ATE1: variants seen among roughly 807,000 people sequenced by gnomAD.
ATE1 encodes arginyl-tRNA--protein transferase 1.
Under a neutral mutation model 70.5 loss-of-function variants are expected in ATE1, and 36 were observed. That is an observed-to-expected ratio of 0.51 (90% confidence interval 0.39 to 0.67). The LOEUF (loss-of-function observed/expected upper bound fraction) is 0.67, where lower values mean the gene tolerates loss of function less well. Ranked by LOEUF, ATE1 falls within the 30% of genes least tolerant of loss-of-function variation. ATE1 has a pLI of 0.00. For synonymous variants in ATE1, 232 were observed against 219.3 expected (o/e 1.06, Z -0.51); for missense variants, 593 against 629.5 (o/e 0.94, Z 0.62).
At chr10:121,850,216 G>A (rs968055984) in intron 8 of ATE1, among the ~76,000 whole-genome samples, 2 of 152,096 alleles carry the variant, frequency 1.3e-5, no homozygotes, top group Non-Finnish European at 2.9e-5. Context: ...CTAACACAGA[G>A]AAGCTCGAAA....
At chr10:121,783,473 G>A (rs113566161) in intron 11 of ATE1, among the ~76,000 whole-genome samples, 18 of 151,792 alleles carry the variant, frequency 1.2e-4, no homozygotes, top group African/African-American at 4.1e-4. Context: ...TATACACTTC[G>A]ACAGCTCAAA....
chr10:121,813,889 T>A lies in ATE1; in HGVS notation c.1257+22829A>T, dbSNP rs376568398. ...CCAGAAGAAAGTAACCCAGGGACTC[T>A]ATCTTTGACATAAACGTGGCTGTGT... On this transcript the variant is annotated intron_variant, in intron 10 of 11. Coordinates refer to ENST00000224652, the MANE Select transcript of ATE1 (RefSeq NM_001001976.3). Among the ~76,000 whole-genome samples the A allele has an allele frequency of 9.8e-5, 15 of 152,314 alleles. No individual in the cohort carries two copies. The South Asian group carries it at 2.1e-3, about 21-fold the overall frequency.
chr10:121,807,733 G>A (rs1468176162), intron 10 of ATE1, among the ~76,000 whole-genome samples: 1 of 152,182 alleles, frequency 6.6e-6, no homozygotes, highest in Non-Finnish European at 1.5e-5. Flanking sequence ...AGCAAGCTAT[G>A]GCCCATGGGC....
chr10:121,749,709 C>G (rs114932659), intron 11 of ATE1, among the ~76,000 whole-genome samples: 1,576 of 152,282 alleles, frequency 0.01, 11 homozygotes, highest in African/African-American at 0.027. Context: ...AAAGCAGAGA[C>G]TGACGTCAGC....
intron 11 of ATE1, among the ~76,000 whole-genome samples, chr10:121,754,869 C>A (rs1226915980): frequency 6.6e-6 from 1 of 152,190 alleles, no homozygotes; most frequent in East Asian, 1.9e-4. Flanking sequence ...ACACTGTATA[C>A]CTCCTGATAT....
chr10:121,898,771 A>G (rs769797900), intron 7 of ATE1: 15 of 1,551,610 alleles, frequency 9.7e-6, no homozygotes, highest in Non-Finnish European at 1.3e-5. Context: ...TCCACCTGAC[A>G]AGAAAATGGT....
intron 8 of ATE1, among the ~76,000 whole-genome samples, chr10:121,849,105 G>A (rs1026428811): frequency 9.9e-5 from 15 of 151,294 alleles, no homozygotes; most frequent in Non-Finnish European, 1.9e-4. Context: ...CAGCTACTCA[G>A]GAGGCTGAGG....
At chr10:121,893,309 G>A (rs377370325) in intron 7 of ATE1, among the ~76,000 whole-genome samples, 4 of 150,598 alleles carry the variant, frequency 2.7e-5, no homozygotes, top group East Asian at 3.9e-4. Context: ...TTGTAAAAAC[G>A]TTATGTAGAT....
intron 8 of ATE1, among the ~76,000 whole-genome samples, chr10:121,862,562 C>T (rs1949515204): frequency 2.1e-5 from 2 of 95,580 alleles, no homozygotes; most frequent in South Asian, 6.5e-4. Context: ...TTTGTAGAGA[C>T]GTGGTTTTGC....
At chr10:121,788,089 T>C (rs749886903) in intron 11 of ATE1, among the ~76,000 whole-genome samples, 2 of 152,228 alleles carry the variant, frequency 1.3e-5, no homozygotes, top group Non-Finnish European at 2.9e-5. Context: ...GTTTTCATCA[T>C]AGGGACTAGA....
At chr10:121,866,337 T>C (rs746899954) in intron 8 of ATE1, among the ~76,000 whole-genome samples, 4 of 152,224 alleles carry the variant, frequency 2.6e-5, no homozygotes, top group Non-Finnish European at 4.4e-5. Context: ...ATTGGTCATC[T>C]TTAATTTTGA....
intron 8 of ATE1, among the ~76,000 whole-genome samples, chr10:121,861,418 AATG>A (rs1949462851): frequency 6.6e-6 from 1 of 152,040 alleles, no homozygotes; most frequent in East Asian, 1.9e-4. Context: ...TGCAATAAAA[AATG>A]ATGAGTTCAT....
At chr10:121,747,076 C>T (rs1257801975) in intron 11 of ATE1, among the ~76,000 whole-genome samples, 1 of 152,168 alleles carries the variant, frequency 6.6e-6, no homozygotes, top group Non-Finnish European at 1.5e-5. Context: ...GAGAAGACCA[C>T]AGTCTTTCAC....
chr10:121,774,632 C>G (rs1945658125), intron 11 of ATE1, among the ~76,000 whole-genome samples: 1 of 152,138 alleles, frequency 6.6e-6, no homozygotes, highest in Non-Finnish European at 1.5e-5. Context: ...CTTTCTTAAG[C>G]AATCATCACA....
chr10:121,874,561 TA>T (rs11291557), intron 7 of ATE1, among the ~76,000 whole-genome samples: 15,890 of 151,966 alleles, frequency 0.1, 2,584 homozygotes, highest in African/African-American at 0.35. Context: ...TAGTGGGGAG[TA>T]AAAAGGGCAG....
chr10:121,817,267 A>G lies in ATE1; in HGVS notation c.1257+19451T>C, dbSNP rs539747748. Among the ~76,000 whole-genome samples, 210 of 152,360 alleles carry G rather than the reference A, an allele frequency of 1.4e-3. 1 individual carries two copies. The highest frequency in any genetic ancestry group is 3.4e-3 in the Admixed American group (52 of 15,304). On this transcript the variant is annotated intron_variant, in intron 10 of 11. Coordinates refer to ENST00000224652, the MANE Select transcript of ATE1 (RefSeq NM_001001976.3). Reference sequence around the variant, plus strand: ...TTAAAAACATGAGTTCAGGCCGGGCACAGCGGCTCACGCCTGTAATCCCAG... The same window carrying G: ...TTAAAAACATGAGTTCAGGCCGGGCGCAGCGGCTCACGCCTGTAATCCCAG...
intron 11 of ATE1, among the ~76,000 whole-genome samples, chr10:121,760,692 T>TA (rs60246551): frequency 0.017 from 2,621 of 152,224 alleles, 79 homozygotes; most frequent in African/African-American, 0.06. Flanking sequence ...ACAAAAAACT[T>TA]AAAGAACATT....
At position 121,745,953 on chromosome 10, in the gene ATE1, G is replaced by C. The variant is rs572554503; in HGVS notation, c.1379-2095C>G. 3.9e-5 allele frequency among the ~76,000 whole-genome samples: 6 copies of C among 152,280 alleles called. No individual in the cohort carries two copies. In the East Asian group the frequency reaches 9.7e-4, roughly 24 times the overall value. ...ATAGACTGTTAAGTGAAAGGCAAAAGTAGGCACAGTATAAACAATAGTTAT... is the reference window on the plus strand; with the variant it reads ...ATAGACTGTTAAGTGAAAGGCAAAACTAGGCACAGTATAAACAATAGTTAT... On this transcript the variant is annotated intron_variant, in intron 11 of 11. Coordinates refer to ENST00000224652, the MANE Select transcript of ATE1 (RefSeq NM_001001976.3).
chr10:121,920,191 A>C (rs78199070), intron 3 of ATE1, among the ~76,000 whole-genome samples: 1 of 150,974 alleles, frequency 6.6e-6, no homozygotes, highest in Non-Finnish European at 1.5e-5. Context: ...ATTTTCTATC[A>C]AAAAAAAAGG....
Sources: allele counts gnomAD v4.1 joint callset (sites outside exome capture counted in the v4.1 genomes callset), GRCh38; gene constraint gnomAD v4.1.1; transcripts MANE v1.5; gene names NCBI Gene and HGNC (gene_info 2026-07-23, HGNC 2026-07-21).